Variants in NDST4 observed in about 807,000 individuals in gnomAD.
NDST4 encodes the protein N-deacetylase and N-sulfotransferase 4.
Under a neutral mutation model 100.8 loss-of-function variants are expected in NDST4, and 63 were observed. That is an observed-to-expected ratio of 0.62 (90% confidence interval 0.51 to 0.77). The LOEUF (loss-of-function observed/expected upper bound fraction) is 0.77. Among genes scored for constraint, NDST4 ranks in the 30% least tolerant of loss-of-function variants. The probability of loss-of-function intolerance (pLI) is 0.00; values close to 1 mark genes in which losing one functional copy is unlikely to be tolerated. For missense variants in NDST4, 943 were observed against 1,018.4 expected (o/e 0.93, Z 1.01); for synonymous variants, 377 against 361.8 (o/e 1.04, Z -0.48).
At position 114,852,790 on chromosome 4, in the gene NDST4, A is replaced by G; in HGVS notation, c.1751T>C (p.Ile584Thr). ...GTCACAAGTTTTCTCTCTGGACCAG[A>G]TGTCTTTGTGTCGTTTATCATCACA... ...NPCDDKRHKDIWSREKTCDHL... is the reference protein window; with the variant it reads ...NPCDDKRHKDTWSREKTCDHL... The change falls in exon 8 of 14, where the codon ATC (isoleucine) becomes ACC (threonine). Residue 584 changes from isoleucine to threonine, a missense_variant. Physicochemically the swap from Ile to Thr is moderately conservative, Grantham distance 89 (BLOSUM62 -1). Coordinates refer to ENST00000264363, the MANE Select transcript of NDST4 (RefSeq NM_022569.3). The G allele has an allele frequency of 6.2e-7, 1 of 1,612,740 alleles. No homozygotes were observed. The highest frequency in any genetic ancestry group is 1.1e-5 in the South Asian group (1 of 90,870).
At chr4:114,909,454 A>C (rs1725018217) in intron 6 of NDST4, among the ~76,000 whole-genome samples, 1 of 151,452 alleles carries the variant, frequency 6.6e-6, no homozygotes, top group African/African-American at 2.4e-5. Context: ...AGGTCAGGAG[A>C]TCGAGACCAT....
At chr4:114,991,119 G>A (rs1727027772) in intron 2 of NDST4, among the ~76,000 whole-genome samples, 1 of 152,054 alleles carries the variant, frequency 6.6e-6, no homozygotes, top group Admixed American at 6.6e-5. Context: ...GGATTTCTAA[G>A]CTAAGCAGAA....
intron 2 of NDST4, among the ~76,000 whole-genome samples, chr4:115,016,657 C>T (rs574935126): frequency 6.6e-6 from 1 of 152,108 alleles, no homozygotes; most frequent in South Asian, 2.1e-4. Flanking sequence ...GGATAGTACT[C>T]CACAATGGAG....
intron 4 of NDST4, among the ~76,000 whole-genome samples, chr4:114,940,239 G>T (rs1269236179): frequency 6.6e-6 from 1 of 152,148 alleles, no homozygotes; most frequent in East Asian, 1.9e-4. Flanking sequence ...ATTCAGAGGG[G>T]TTTGACTTGA....
intron 2 of NDST4, among the ~76,000 whole-genome samples, chr4:115,042,015 G>T (rs1054046433): frequency 6.6e-6 from 1 of 151,972 alleles, no homozygotes; most frequent in Non-Finnish European, 1.5e-5. Flanking sequence ...ACTTATTAAG[G>T]TTATTCAATA....
At chr4:115,112,635 A>G (rs919521959) in intron 1 of NDST4, among the ~76,000 whole-genome samples, 5 of 151,950 alleles carry the variant, frequency 3.3e-5, no homozygotes, top group African/African-American at 1.2e-4. Context: ...TTTATTAATC[A>G]GGACAAATTC....
intron 2 of NDST4, among the ~76,000 whole-genome samples, chr4:115,038,539 A>G (rs1169443348): frequency 2.0e-5 from 3 of 152,200 alleles, no homozygotes; most frequent in Non-Finnish European, 2.9e-5. Context: ...CAACAAATTT[A>G]AAAGCCCTGA....
chr4:114,886,153 A>G (rs1724472375), intron 6 of NDST4, among the ~76,000 whole-genome samples: 1 of 152,142 alleles, frequency 6.6e-6, no homozygotes, highest in African/African-American at 2.4e-5. Flanking sequence ...AATGGTGAAC[A>G]ATATATTTGC....
chr4:114,907,541 A>G (rs1396999236), intron 6 of NDST4, among the ~76,000 whole-genome samples: 2 of 152,182 alleles, frequency 1.3e-5, no homozygotes, highest in South Asian at 2.1e-4. Flanking sequence ...TTTATAAGCA[A>G]TAAGCCACAT....
At position 115,013,353 on chromosome 4, in the gene NDST4, A is replaced by ATATATATG. The variant is rs1179204055; in HGVS notation, c.979-36080_979-36079insCATATATA. 4.5e-3 allele frequency among the ~76,000 whole-genome samples: 396 copies of ATATATATG among 88,788 alleles called. 6 individuals are homozygous for ATATATATG. The highest frequency in any genetic ancestry group is 5.8e-3 in the Non-Finnish European group (242 of 41,986). 58.2% of individuals were successfully genotyped at this position (88,788 alleles called of 152,430 possible). A position where few individuals can be genotyped will look rare whatever the true frequency, so the allele number is the denominator to read the frequency against. ...CCATAAAAATATAAATACCATATAT[A>ATATATATG]TATATATATATATATATACACACAC... On this transcript the variant is annotated intron_variant, in intron 2 of 13. Transcript: ENST00000264363.
chr4:114,941,289 A>T (rs1725744457), intron 4 of NDST4, among the ~76,000 whole-genome samples: 1 of 152,136 alleles, frequency 6.6e-6, no homozygotes, highest in Non-Finnish European at 1.5e-5. Flanking sequence ...GTCTAGATTC[A>T]TCATCTTTGC....
intron 2 of NDST4, among the ~76,000 whole-genome samples, chr4:115,038,115 T>C (rs1414783527): frequency 6.6e-6 from 1 of 152,198 alleles, no homozygotes; most frequent in Non-Finnish European, 1.5e-5. Context: ...AATTGATATT[T>C]GTTTAGCAAA....
At chr4:115,021,083 T>A (rs1727801710) in intron 2 of NDST4, among the ~76,000 whole-genome samples, 1 of 151,938 alleles carries the variant, frequency 6.6e-6, no homozygotes. Context: ...GGAAAAGAAG[T>A]CATTATACAA....
intron 6 of NDST4, among the ~76,000 whole-genome samples, chr4:114,873,112 T>C (rs142009614): frequency 3.2e-4 from 48 of 151,990 alleles, no homozygotes; most frequent in African/African-American, 1.2e-3. Flanking sequence ...AATTATAGCA[T>C]CTGAGAAGAA....
chr4:114,934,517 G>A (rs1435353852), intron 6 of NDST4, among the ~76,000 whole-genome samples: 2 of 149,936 alleles, frequency 1.3e-5, no homozygotes, highest in African/African-American at 4.9e-5. Flanking sequence ...TCGCGCCACT[G>A]CACTCCAGCC....
chr4:115,038,972 T>C (rs1302434238), intron 2 of NDST4, among the ~76,000 whole-genome samples: 1 of 150,228 alleles, frequency 6.7e-6, no homozygotes, highest in Non-Finnish European at 1.5e-5. Context: ...AGCAAGATAC[T>C]ACCTCAGAAA....
At chr4:115,061,388 G>A (rs1267585975) in intron 2 of NDST4, among the ~76,000 whole-genome samples, 1 of 152,196 alleles carries the variant, frequency 6.6e-6, no homozygotes, top group African/African-American at 2.4e-5. Flanking sequence ...GCCCATCAGT[G>A]ATAGGCTGGA....
At chr4:114,967,639 G>C in intron 4 of NDST4, among the ~76,000 whole-genome samples, 1 of 152,098 alleles carries the variant, frequency 6.6e-6, no homozygotes, top group East Asian at 1.9e-4. Flanking sequence ...AGTGTCCTGA[G>C]AGAATTTAGC....
chr4:114,973,512 A>T (rs1452999117), intron 3 of NDST4, among the ~76,000 whole-genome samples: 1 of 151,960 alleles, frequency 6.6e-6, no homozygotes, highest in Non-Finnish European at 1.5e-5. Context: ...TAATGAAAAA[A>T]ATACATTTTG....
Sources: gnomAD v4.1 joint callset for allele counts (sites outside exome capture counted in the v4.1 genomes callset) on GRCh38, gnomAD v4.1.1 for gene constraint, MANE v1.5 for transcripts, NCBI Gene and HGNC (gene_info 2026-07-23, HGNC 2026-07-21) for gene names.